Variants in CTTNBP2 observed in about 807,000 individuals in gnomAD.
CTTNBP2 encodes the protein cortactin-binding protein 2.
CTTNBP2 carries 108 observed loss-of-function variants against 156.9 expected under a neutral mutation model. The observed-to-expected ratio is 0.69, with a 90% CI of 0.59 to 0.81. The LOEUF (loss-of-function observed/expected upper bound fraction) is 0.81. Ranked by LOEUF, CTTNBP2 falls within the 30% of genes least tolerant of loss-of-function variation. The probability of loss-of-function intolerance (pLI) is 0.00; values close to 1 mark genes in which losing one functional copy is unlikely to be tolerated. For missense variants in CTTNBP2, 1,924 were observed against 2,035.4 expected, an observed-to-expected ratio of 0.95 and a Z score of 1.05; for synonymous variants, 767 against 751.8, an observed-to-expected ratio of 1.02 and a Z score of -0.33.
At chr7:117,758,138 T>C in intron 10 of CTTNBP2, 168 bp from the exon 11 acceptor site, 1 of 560,450 alleles carries the variant, frequency 1.8e-6, no homozygotes, top group Non-Finnish European at 3.1e-6. Context: ...AGCTCCCTAA[T>C]GAAATTCTTG....
At position 117,861,200 on chromosome 7, in the gene CTTNBP2, C is replaced by T. The variant is rs371023668; in HGVS notation, c.189+9G>A. Reference sequence around the variant, plus strand: ...CCAGCATGGAGACCCACTCCTGTGTCGTCCTTACCCGCAGGGCCTCGATGA... The same window carrying T: ...CCAGCATGGAGACCCACTCCTGTGTTGTCCTTACCCGCAGGGCCTCGATGA... On this transcript the variant is annotated intron_variant, in intron 2 of 22. Transcript: ENST00000160373. The T allele has an allele frequency of 1.6e-5, 26 of 1,581,182 alleles. No individual in the cohort carries two copies. In the East Asian group the frequency reaches 2.7e-4, roughly 16 times the overall value.
At chr7:117,749,807 T>C (rs1478969297) in intron 12 of CTTNBP2, among the ~76,000 whole-genome samples, 1 of 152,160 alleles carries the variant, frequency 6.6e-6, no homozygotes, top group Non-Finnish European at 1.5e-5. Flanking sequence ...AATACTCTAT[T>C]AGTCTTAATG....
chr7:117,750,096 G>A (rs1218571365), intron 12 of CTTNBP2, among the ~76,000 whole-genome samples: 3 of 152,100 alleles, frequency 2.0e-5, no homozygotes, highest in Non-Finnish European at 4.4e-5. Flanking sequence ...AAAATAAACA[G>A]GCTAAAGATT....
chr7:117,723,046 C>T (rs1312234370), intron 19 of CTTNBP2, among the ~76,000 whole-genome samples: 2 of 152,140 alleles, frequency 1.3e-5, no homozygotes, highest in African/African-American at 2.4e-5. Flanking sequence ...GGGGTCTATA[C>T]TAAATTGGTG....
rs777508755 is a variant in CTTNBP2 at position 117,861,220 on chromosome 7, C to T, written c.178G>A (p.Glu60Lys). ...GELEARDLVI[E>K]ALRARRKEVF... ...TGTGTCGTCCTTACCCGCAGGGCCT[C>T]GATGACAAGGTCTCTGGCCTCCAGC... The change falls in exon 2 of 23, where the codon GAG becomes AAG. Residue 60 changes from glutamate to lysine, a missense_variant. Physicochemically the swap from Glu to Lys is moderately conservative, Grantham distance 56. Transcript: ENST00000160373. 84 of 1,611,436 alleles carry T rather than the reference C, an allele frequency of 5.2e-5. 1 individual carries two copies. Among genetic ancestry groups the T allele is most frequent in the Middle Eastern group, 1.6e-4 (1 of 6,080 alleles).
At chr7:117,743,729 T>A (rs1796148742) in intron 14 of CTTNBP2, among the ~76,000 whole-genome samples, 1 of 110,352 alleles carries the variant, frequency 9.1e-6, no homozygotes, top group Non-Finnish European at 1.6e-5. Context: ...GCCACCACAC[T>A]CCAGCCCTGG....
In CTTNBP2 at chr7:117,754,015, T is replaced by C. The variant is rs188044849; in HGVS notation, c.3348+2540A>G. 2.0e-4 allele frequency among the ~76,000 whole-genome samples: 30 copies of C among 152,368 alleles called. No individual in the cohort carries two copies. In the South Asian group the frequency reaches 4.3e-3, roughly 22 times the overall value. ...ATGTGCCTGTAGTTATTTGTGGAAC[T>C]GGGAAGCTATGCCATTCTCTGGCTC... On this transcript the variant is annotated intron_variant, in intron 12 of 22. Coordinates refer to ENST00000160373, the MANE Select transcript of CTTNBP2 (RefSeq NM_033427.3).
intron 20 of CTTNBP2, among the ~76,000 whole-genome samples, chr7:117,720,693 C>CA (rs1025750361): frequency 1.7e-4 from 26 of 150,460 alleles, no homozygotes; most frequent in Admixed American, 5.3e-4. Flanking sequence ...ACTCTGTCTC[C>CA]AAAAAAAAGA....
chr7:117,713,917 CCAGGCCA>C (rs934515621), intron 22 of CTTNBP2: 91 of 152,318 alleles, frequency 6.0e-4, no homozygotes, highest in African/African-American at 2.2e-3. Context: ...AATCTGGGGT[CCAGGCCA>C]CCTGCATTTA....
At chr7:117,842,940 A>G (rs1802362624) in intron 2 of CTTNBP2, among the ~76,000 whole-genome samples, 2 of 152,346 alleles carry the variant, frequency 1.3e-5, no homozygotes, top group African/African-American at 4.8e-5. Flanking sequence ...AGGAAAAGTA[A>G]AACAAACAAT....
intron 14 of CTTNBP2, among the ~76,000 whole-genome samples, chr7:117,738,220 C>T (rs934096231): frequency 5.3e-5 from 8 of 152,144 alleles, no homozygotes; most frequent in Admixed American, 5.2e-4. Flanking sequence ...TAAAAGCTCC[C>T]TAGTGATTGG....
intron 2 of CTTNBP2, among the ~76,000 whole-genome samples, chr7:117,846,400 TAA>T (rs1267835503): frequency 5.3e-5 from 8 of 152,264 alleles, no homozygotes; most frequent in Admixed American, 1.3e-4. Context: ...GGGTAAATCT[TAA>T]AGTCAGTAAT....
intron 2 of CTTNBP2, among the ~76,000 whole-genome samples, chr7:117,818,514 C>T (rs1264229158): frequency 6.6e-6 from 1 of 152,128 alleles, no homozygotes; most frequent in Non-Finnish European, 1.5e-5. Flanking sequence ...GCATGAAAAA[C>T]ACTTAGGGGT....
intron 3 of CTTNBP2, among the ~76,000 whole-genome samples, chr7:117,795,176 G>A (rs550708092): frequency 0.087 from 4 of 46 alleles, no homozygotes; most frequent in Non-Finnish European, 0.13. Context: ...GATTACAGGC[G>A]TGACGACCGC....
At chr7:117,810,637 C>A in intron 3 of CTTNBP2, 128 bp downstream of exon 3, 1 of 737,098 alleles carries the variant, frequency 1.4e-6, no homozygotes, top group East Asian at 2.5e-5. Context: ...CTGTCAGCCT[C>A]TTGCACTTCT....
chr7:117,719,592 C>G lies in CTTNBP2; in HGVS notation c.4556G>C (p.Arg1519Thr), dbSNP rs568993434. 6.2e-7 allele frequency: 1 copy of G among 1,613,680 alleles called. No homozygotes were observed. The highest frequency in any genetic ancestry group is 8.5e-7 in the Non-Finnish European group (1 of 1,179,726). ...DLSLTLNLDQ[R>T]LSLGSDDEAD... ...TTCGTCATCTGAACCCAGAGAGAGT[C>G]TCTGATCCAAATTCAACGTCAGTGA... Residue 1519 changes from arginine (R) to threonine (T), a missense_variant, in exon 21 of 23, where the codon AGA becomes ACA. Transcript: ENST00000160373.
At chr7:117,760,765 G>A (rs1327901428) in intron 9 of CTTNBP2, 55 bp from the exon 10 acceptor site, 7 of 1,190,134 alleles carry the variant, frequency 5.9e-6, no homozygotes, top group African/African-American at 1.5e-5. Flanking sequence ...GAAAAAAAAA[G>A]TAAAACTATT....
intron 2 of CTTNBP2, among the ~76,000 whole-genome samples, chr7:117,821,336 T>G (rs574773852): frequency 7.3e-4 from 111 of 152,140 alleles, no homozygotes; most frequent in Middle Eastern, 3.4e-3. Context: ...TGGTTTTTTT[T>G]TTGTTGTTGT....
chr7:117,772,775 A>G (rs1178749548), intron 8 of CTTNBP2, among the ~76,000 whole-genome samples: 1 of 152,170 alleles, frequency 6.6e-6, no homozygotes, highest in Non-Finnish European at 1.5e-5. Flanking sequence ...TTCAAGTGAG[A>G]AAGTTCAGAG....
Sources: allele counts gnomAD v4.1 joint callset (sites outside exome capture counted in the v4.1 genomes callset), GRCh38; gene constraint gnomAD v4.1.1; transcripts MANE v1.5; gene names NCBI Gene and HGNC (gene_info 2026-07-23, HGNC 2026-07-21).